The following DMD variants were observed in gnomAD, a reference collection of about 807,000 sequenced individuals.
DMD encodes the protein mutant dystrophin.
A neutral mutation model predicts 330.1 loss-of-function variants in DMD; 63 were observed. The ratio of observed to expected loss-of-function variants is 0.19; its 90% CI spans 0.16 to 0.24. The LOEUF (loss-of-function observed/expected upper bound fraction) is 0.24, where lower values mean the gene tolerates loss of function less well. Ranked by LOEUF, DMD falls within the 10% of genes least tolerant of loss-of-function variation. The pLI, the probability that DMD is intolerant of heterozygous loss-of-function variation, is 1.00. For missense variants in DMD, 3,344 were observed against 2,684.1 expected (o/e 1.25, Z -5.43); for synonymous variants, 1,223 against 959.8 (o/e 1.27, Z -5.07).
At chrX:31,591,516 TAGA>T (rs1468913506) in intron 55 of DMD, among the ~76,000 whole-genome samples, 1 of 111,518 alleles carries the variant, frequency 9.0e-6, no homozygotes, top group Non-Finnish European at 1.9e-5. Context: ...TTTGTTCATT[TAGA>T]AGTTTATGAA....
At chrX:31,261,354 A>G (rs1162426225) in intron 62 of DMD, 3 of 237,900 alleles carry the variant, frequency 1.3e-5, no homozygotes, top group Non-Finnish European at 2.3e-5. Flanking sequence ...CACCCATCCA[A>G]TGTGGAACAC....
At chrX:32,336,366 G>T (rs953053827) in intron 41 of DMD, among the ~76,000 whole-genome samples, 6 of 111,414 alleles carry the variant, frequency 5.4e-5, no homozygotes, top group Non-Finnish European at 1.1e-4. Context: ...CTACAAACAA[G>T]GTTAATTTTC....
intron 37 of DMD, among the ~76,000 whole-genome samples, chrX:32,350,152 G>C (rs192110250): frequency 1.8e-5 from 2 of 111,156 alleles, no homozygotes; most frequent in East Asian, 5.6e-4. Flanking sequence ...GAAGAACATA[G>C]GTCTATTTAC....
At chrX:32,278,881 C>T (rs1003814218) in intron 43 of DMD, among the ~76,000 whole-genome samples, 1 of 111,803 alleles carries the variant, frequency 8.9e-6, no homozygotes, top group Admixed American at 9.5e-5. Flanking sequence ...AGACAACCAA[C>T]AGAAAGGGAG....
intron 63 of DMD, among the ~76,000 whole-genome samples, chrX:31,241,524 C>G (rs1360718703): frequency 8.9e-6 from 1 of 111,860 alleles, no homozygotes; most frequent in East Asian, 2.8e-4. Flanking sequence ...TTCCCTGTTG[C>G]TCCGCTCAGT....
intron 9 of DMD, among the ~76,000 whole-genome samples, chrX:32,678,497 TCC>T (rs1301686008): frequency 6.4e-5 from 7 of 108,613 alleles, no homozygotes; most frequent in African/African-American, 2.5e-4. Context: ...TGTTTGCGTG[TCC>T]GTGTGTGTGT....
At chrX:32,296,498 T>C (rs1310253559) in intron 42 of DMD, among the ~76,000 whole-genome samples, 2 of 111,855 alleles carry the variant, frequency 1.8e-5, no homozygotes, top group East Asian at 5.6e-4. Context: ...TAAATAAGGA[T>C]GTCTATAATT....
intron 1 of DMD, among the ~76,000 whole-genome samples, chrX:33,051,464 T>G (rs775017807): frequency 9.2e-6 from 1 of 109,064 alleles, no homozygotes; most frequent in African/African-American, 3.3e-5. Flanking sequence ...CACTGGCCTC[T>G]AACTCCCGAA....
chrX:32,530,623 T>C (rs1569141807), intron 17 of DMD, among the ~76,000 whole-genome samples: 1 of 112,094 alleles, frequency 8.9e-6, no homozygotes, highest in Non-Finnish European at 1.9e-5. Flanking sequence ...AAATGTCAGA[T>C]ACTGCTACAT....
chrX:32,464,514 TA>T, intron 24 of DMD, 71 bp downstream of exon 24: 1 of 843,388 alleles, frequency 1.2e-6, no homozygotes, highest in Admixed American at 2.2e-5. Flanking sequence ...ACCCCAGCTG[TA>T]AAACACTGAT....
chrX:31,768,096 T>G (rs920929384), intron 51 of DMD, among the ~76,000 whole-genome samples: 4 of 111,682 alleles, frequency 3.6e-5, no homozygotes, highest in African/African-American at 1.3e-4. Flanking sequence ...GCCAACTCAA[T>G]TCTTTATTCA....
Position 31,756,706 on chromosome X carries a change from C to T in DMD, c.7542+17254G>A, listed in dbSNP as rs754630697. 4.4e-5 allele frequency among the ~76,000 whole-genome samples: 5 copies of T among 112,523 alleles called. No individual in the cohort carries two copies. The East Asian group carries it at 1.4e-3, about 31-fold the overall frequency. The stretch of plus-strand genomic sequence containing the variant: ...GCCTGGTATATACTAGAAATTAATG[C>T]ATGGTAAGCATCATGAATTTTATGG... On this transcript the variant is annotated intron_variant, in intron 51 of 78. Coordinates refer to ENST00000357033, the MANE Select transcript of DMD (RefSeq NM_004006.3).
At chrX:31,329,965 A>G (rs1438972562) in intron 61 of DMD, among the ~76,000 whole-genome samples, 2 of 70,712 alleles carry the variant, frequency 2.8e-5, no homozygotes, top group Admixed American at 1.8e-4. Context: ...GCAAGATTCC[A>G]TCTCAAAAAA....
At chrX:31,241,093 GC>G (rs1202870136) in intron 63 of DMD, among the ~76,000 whole-genome samples, 10 of 25,243 alleles carry the variant, frequency 4.0e-4, no homozygotes, top group South Asian at 2.2e-3. Context: ...ACCTTTCTCT[GC>G]CCCTGTACTT....
chrX:31,945,114 A>G (rs1398335828), intron 45 of DMD, among the ~76,000 whole-genome samples: 4 of 111,725 alleles, frequency 3.6e-5, no homozygotes, highest in Non-Finnish European at 7.5e-5. Flanking sequence ...TCTCTGTGAT[A>G]TGCTAGGCTA....
intron 3 of DMD, among the ~76,000 whole-genome samples, chrX:32,847,593 C>G (rs965689183): frequency 8.9e-6 from 1 of 112,130 alleles, no homozygotes; most frequent in Non-Finnish European, 1.9e-5. Context: ...GGTGATTCTG[C>G]TTTATGAGAA....
chrX:31,531,049 C>A (rs1432549728), intron 55 of DMD, among the ~76,000 whole-genome samples: 2 of 89,200 alleles, frequency 2.2e-5, no homozygotes, highest in Non-Finnish European at 4.2e-5. Flanking sequence ...TGGATATGTG[C>A]CACATTTTCT....
At chrX:31,764,695 C>T (rs191666294) in intron 51 of DMD, among the ~76,000 whole-genome samples, 1 of 111,287 alleles carries the variant, frequency 9.0e-6, no homozygotes, top group East Asian at 2.8e-4. Context: ...CATAGATTAA[C>T]TTGATATGGG....
At chrX:32,864,426 T>C (rs1241755892) in intron 2 of DMD, among the ~76,000 whole-genome samples, 1 of 112,277 alleles carries the variant, frequency 8.9e-6, no homozygotes, top group Non-Finnish European at 1.9e-5. Context: ...AAGGGTTAGG[T>C]GAGTTTTACT....
Sources: gnomAD v4.1 joint callset for allele counts (sites outside exome capture counted in the v4.1 genomes callset) on GRCh38, gnomAD v4.1.1 for gene constraint, MANE v1.5 for transcripts, NCBI Gene and HGNC (gene_info 2026-07-23, HGNC 2026-07-21) for gene names.